PCDH15: variants seen among roughly 807,000 people sequenced by gnomAD.
PCDH15 encodes protocadherin-15.
Under a neutral mutation model 178.5 loss-of-function variants are expected in PCDH15, and 129 were observed. That is an observed-to-expected ratio of 0.72 (90% CI 0.63 to 0.84). PCDH15 has a LOEUF of 0.84. PCDH15 is among the 40% of genes least tolerant of loss of function. PCDH15 has a pLI of 0.00. For missense variants in PCDH15, 2,230 were observed against 2,099.9 expected (o/e 1.06, Z -1.21); for synonymous variants, 800 against 732.0 (o/e 1.09, Z -1.50).
At chr10:55,003,800 T>C (rs1046169460) in intron 2 of PCDH15, among the ~76,000 whole-genome samples, 2 of 152,218 alleles carry the variant, frequency 1.3e-5, no homozygotes, top group Admixed American at 1.3e-4. Flanking sequence ...TCATACCTTA[T>C]CTACACATTC....
intron 13 of PCDH15, among the ~76,000 whole-genome samples, chr10:54,174,847 A>T (rs2047291271): frequency 6.6e-6 from 1 of 151,472 alleles, no homozygotes; most frequent in Non-Finnish European, 1.5e-5. Flanking sequence ...AGATTGGGGA[A>T]TATCATCCAT....
At chr10:54,340,673 A>C (rs545071541) in intron 6 of PCDH15, among the ~76,000 whole-genome samples, 1 of 152,278 alleles carries the variant, frequency 6.6e-6, no homozygotes, top group East Asian at 1.9e-4. Flanking sequence ...AAGACGGCTA[A>C]GTGGGTGACT....
At chr10:55,231,982 T>C (rs1024424500) in intron 1 of PCDH15, among the ~76,000 whole-genome samples, 2 of 152,040 alleles carry the variant, frequency 1.3e-5, no homozygotes, top group Non-Finnish European at 1.5e-5. Context: ...GTCAAAGCTG[T>C]GCCAGGTTTA....
chr10:55,425,411 G>C (rs1320561681), intron 2 of PCDH15, among the ~76,000 whole-genome samples: 1 of 151,894 alleles, frequency 6.6e-6, no homozygotes, highest in Non-Finnish European at 1.5e-5. Context: ...AAATGCAAAA[G>C]TGTTGATGTA....
At chr10:55,140,197 T>A (rs1838309027) in intron 2 of PCDH15, among the ~76,000 whole-genome samples, 1 of 151,956 alleles carries the variant, frequency 6.6e-6, no homozygotes, top group Non-Finnish European at 1.5e-5. Context: ...AGAGTTTCCA[T>A]ATAAATACAT....
chr10:55,610,208 A>G (rs1843336974), intron 2 of PCDH15, among the ~76,000 whole-genome samples: 1 of 152,146 alleles, frequency 6.6e-6, no homozygotes, highest in East Asian at 1.9e-4. Context: ...GAAGTGAATG[A>G]AAAGCAGTTT....
chr10:55,293,524 G>A (rs1010462784), intron 1 of PCDH15, among the ~76,000 whole-genome samples: 1 of 152,108 alleles, frequency 6.6e-6, no homozygotes, highest in African/African-American at 2.4e-5. Flanking sequence ...TTTATGCTCT[G>A]CTTCCCTTAT....
chr10:53,972,779 A>T (rs199812104), intron 21 of PCDH15, among the ~76,000 whole-genome samples: 17,187 of 152,188 alleles, frequency 0.11, 999 homozygotes, highest in Non-Finnish European at 0.12. Context: ...ATCATTAAAA[A>T]GTCAGGAAAC....
In PCDH15 at chr10:54,081,557, G is replaced by A. The variant is rs114549770; in HGVS notation, c.1998-2133C>T. ...TATATTTGGGCAATGCAGAAGGGGA[G>A]AAACACAGGCAGTGTATTTTGGGAT... is the stretch of plus-strand genomic sequence containing the variant. On this transcript the variant is annotated intron_variant, in intron 16 of 37. Coordinates refer to ENST00000644397, the MANE Select transcript of PCDH15 (RefSeq NM_001384140.1). Among the ~76,000 whole-genome samples, 1,250 of 152,144 alleles carry A rather than the reference G, an allele frequency of 8.2e-3. 12 individuals carry two copies. The highest frequency in any genetic ancestry group is 0.029 in the African/African-American group (1,185 of 41,512).
chr10:55,263,520 G>C lies in PCDH15; in HGVS notation c.-156+56079C>G, dbSNP rs552054309. On this transcript the variant is annotated intron_variant, in intron 1 of 5. Coordinates refer to the PCDH15 transcript ENST00000458638. ...GCACAACTTGCAAAGCTCGCACCCA[G>C]CAGCCACGAGGGGGAGAGGGAGAAA... Among the ~76,000 whole-genome samples, 17 of 152,094 alleles carry C rather than the reference G, an allele frequency of 1.1e-4. No homozygotes were observed. The South Asian group carries it at 3.5e-3, about 32-fold the overall frequency.
intron 1 of PCDH15, among the ~76,000 whole-genome samples, chr10:55,178,518 G>T (rs2132131428): frequency 6.6e-6 from 1 of 152,150 alleles, no homozygotes; most frequent in Admixed American, 6.6e-5. Flanking sequence ...CTATCAATTA[G>T]CCCAGTGGTT....
chr10:55,349,058 T>C (rs1054276437), intron 2 of PCDH15, among the ~76,000 whole-genome samples: 2 of 152,160 alleles, frequency 1.3e-5, no homozygotes, highest in Non-Finnish European at 2.9e-5. Flanking sequence ...TTGATCAATC[T>C]GGCAACAATG....
chr10:54,631,353 T>G (rs1282972384), intron 2 of PCDH15, among the ~76,000 whole-genome samples: 1 of 152,104 alleles, frequency 6.6e-6, no homozygotes, highest in Non-Finnish European at 1.5e-5. Flanking sequence ...ATCTCTTTTT[T>G]AAAAAAATTA....
chr10:54,731,563 T>TAC (rs1159070523), intron 1 of PCDH15, among the ~76,000 whole-genome samples: 524 of 49,892 alleles, frequency 0.011, 38 homozygotes, highest in East Asian at 0.033. Flanking sequence ...TATATATATA[T>TAC]ACACACACAC....
intron 2 of PCDH15, among the ~76,000 whole-genome samples, chr10:55,033,177 C>T (rs969746309): frequency 2.0e-5 from 3 of 152,098 alleles, no homozygotes; most frequent in Non-Finnish European, 4.4e-5. Context: ...CAAAGAGAGT[C>T]CTCAAAGGGA....
chr10:54,356,115 G>T (rs1264369531), intron 5 of PCDH15, among the ~76,000 whole-genome samples: 2 of 151,992 alleles, frequency 1.3e-5, no homozygotes, highest in Non-Finnish European at 2.9e-5. Context: ...AGAAGGGAAA[G>T]CTGGAAGACA....
At chr10:54,925,469 T>C (rs1030668266) in intron 2 of PCDH15, among the ~76,000 whole-genome samples, 4 of 152,150 alleles carry the variant, frequency 2.6e-5, no homozygotes, top group Admixed American at 2.0e-4. Flanking sequence ...TAGTTCATTA[T>C]AGTTCTTTGA....
intron 23 of PCDH15, 44 bp downstream of exon 23, chr10:53,959,688 C>A: frequency 6.9e-7 from 1 of 1,440,690 alleles, no homozygotes; most frequent in Non-Finnish European, 9.7e-7. Flanking sequence ...TTCAAAAATG[C>A]CCTAAACATT....
At chr10:54,118,311 G>T (rs1367341549) in intron 15 of PCDH15, among the ~76,000 whole-genome samples, 1 of 152,108 alleles carries the variant, frequency 6.6e-6, no homozygotes, top group Non-Finnish European at 1.5e-5. Context: ...TATTAAATCA[G>T]CTGGCTAGCC....
Sources: allele counts gnomAD v4.1 joint callset (sites outside exome capture counted in the v4.1 genomes callset), GRCh38; gene constraint gnomAD v4.1.1; transcripts MANE v1.5; gene names NCBI Gene and HGNC (gene_info 2026-07-23, HGNC 2026-07-21).